Variants in HDAC9 observed in about 807,000 individuals in gnomAD.
HDAC9 encodes the protein MEF-2 interacting transcription repressor (MITR) protein.
In HDAC9, 41 loss-of-function variants were observed where a neutral mutation model predicts 139.4. The observed-to-expected ratio is 0.29, with a 90% CI of 0.23 to 0.38. The LOEUF (loss-of-function observed/expected upper bound fraction) is 0.38. Ranked by LOEUF, HDAC9 falls within the 10% of genes least tolerant of loss-of-function variation. HDAC9 has a pLI of 1.00. For missense variants in HDAC9, 1,147 were observed against 1,297.0 expected (o/e 0.88, Z 1.78); for synonymous variants, 517 against 476.2 (o/e 1.09, Z -1.12).
chr7:18,821,085 T>C (rs1030313277), intron 17 of HDAC9, among the ~76,000 whole-genome samples: 2 of 152,156 alleles, frequency 1.3e-5, no homozygotes, highest in African/African-American at 4.8e-5. Context: ...TGCAGCCACC[T>C]GAGGGGAGGG....
intron 21 of HDAC9, among the ~76,000 whole-genome samples, chr7:18,859,842 A>ATGTGTGTGTGTGTGTGTG (rs1562997054): frequency 2.3e-5 from 3 of 129,558 alleles, no homozygotes; most frequent in South Asian, 2.6e-4. Context: ...ATATATATAT[A>ATGTGTGTGTGTGTGTGTG]TATATATATA....
At chr7:18,705,199 A>T (rs1028644378) in intron 12 of HDAC9, among the ~76,000 whole-genome samples, 4 of 152,170 alleles carry the variant, frequency 2.6e-5, no homozygotes, top group Non-Finnish European at 5.9e-5. Context: ...CAGCCTAAGC[A>T]CTAATGACAC....
chr7:18,579,114 A>G (rs1034374292), intron 2 of HDAC9, among the ~76,000 whole-genome samples: 9 of 152,238 alleles, frequency 5.9e-5, no homozygotes, highest in African/African-American at 1.4e-4. Context: ...TAGAGATGAC[A>G]TGTTATCATC....
intron 1 of HDAC9, among the ~76,000 whole-genome samples, chr7:18,352,415 G>A (rs141191683): frequency 2.0e-5 from 3 of 152,202 alleles, no homozygotes; most frequent in Non-Finnish European, 4.4e-5. Context: ...GAGATAGAAG[G>A]ACTAAAATTG....
At chr7:18,151,731 A>G (rs1391472931) in intron 1 of HDAC9, 1 of 152,190 alleles carries the variant, frequency 6.6e-6, no homozygotes, top group Non-Finnish European at 1.5e-5. Context: ...TGGGAATGGA[A>G]TGTGCTACAT....
intron 1 of HDAC9, among the ~76,000 whole-genome samples, chr7:18,376,683 C>G (rs537024176): frequency 7.8e-4 from 118 of 152,190 alleles, no homozygotes; most frequent in African/African-American, 2.7e-3. Context: ...GATGCTGAAG[C>G]TAAGGTCCAG....
intron 17 of HDAC9, 51 bp downstream of exon 17, chr7:18,793,503 C>A: frequency 2.6e-6 from 3 of 1,162,454 alleles, no homozygotes; most frequent in Non-Finnish European, 3.8e-6. Context: ...GAAACTGAAA[C>A]AGAGATGTTG....
chr7:18,788,623 C>T (rs974595302), intron 16 of HDAC9, among the ~76,000 whole-genome samples: 4 of 151,756 alleles, frequency 2.6e-5, no homozygotes, highest in South Asian at 2.1e-4. Flanking sequence ...AGTGTGGTGG[C>T]GGATGCCTGA....
chr7:18,747,516 G>T (rs914376118), intron 13 of HDAC9, among the ~76,000 whole-genome samples: 14 of 152,272 alleles, frequency 9.2e-5, no homozygotes, highest in African/African-American at 3.1e-4. Flanking sequence ...GTAAACATGG[G>T]TAATATCGTG....
chr7:18,879,355 G>A (rs1416583887), intron 22 of HDAC9, among the ~76,000 whole-genome samples: 2 of 152,102 alleles, frequency 1.3e-5, no homozygotes, highest in East Asian at 1.9e-4. Context: ...AATAGCTAAG[G>A]CAATCCTAAG....
intron 2 of HDAC9, among the ~76,000 whole-genome samples, chr7:18,204,062 A>T (rs1332067996): frequency 6.6e-6 from 1 of 152,218 alleles, no homozygotes; most frequent in African/African-American, 2.4e-5. Context: ...CTAGTTAGAT[A>T]TCAATGGGCT....
chr7:18,312,959 C>G (rs1010289279), intron 1 of HDAC9, among the ~76,000 whole-genome samples: 1 of 152,044 alleles, frequency 6.6e-6, no homozygotes, highest in African/African-American at 2.4e-5. Flanking sequence ...CTACTTTATT[C>G]TCCATAGCCC....
intron 2 of HDAC9, among the ~76,000 whole-genome samples, chr7:18,232,293 A>G (rs765555678): frequency 1.6e-4 from 24 of 152,036 alleles, no homozygotes; most frequent in Non-Finnish European, 2.6e-4. Flanking sequence ...CCAGGGTTGC[A>G]GTGTAATTAA....
intron 1 of HDAC9, among the ~76,000 whole-genome samples, chr7:18,115,614 T>G (rs947591290): frequency 2.6e-5 from 4 of 152,238 alleles, no homozygotes; most frequent in African/African-American, 9.6e-5. Flanking sequence ...TTGAGGAATT[T>G]GATGTTCAAA....
chr7:18,324,408 G>T (rs1293721031), intron 1 of HDAC9, among the ~76,000 whole-genome samples: 1 of 152,140 alleles, frequency 6.6e-6, no homozygotes, highest in Non-Finnish European at 1.5e-5. Context: ...GATAATCATA[G>T]TACCAGTCTC....
chr7:18,698,256 G>A (rs776581977), intron 12 of HDAC9, among the ~76,000 whole-genome samples: 7 of 151,998 alleles, frequency 4.6e-5, no homozygotes, highest in African/African-American at 7.2e-5. Flanking sequence ...TCTAAAATTC[G>A]TCATTCTTAA....
chr7:18,573,788 T>C (rs767515671), intron 2 of HDAC9, among the ~76,000 whole-genome samples: 5 of 152,156 alleles, frequency 3.3e-5, no homozygotes, highest in Non-Finnish European at 5.9e-5. Context: ...GAGGGGAACA[T>C]GGTGGCACCC....
At chr7:18,662,175 AT>A (rs764337255) in intron 11 of HDAC9, among the ~76,000 whole-genome samples, 27 of 152,066 alleles carry the variant, frequency 1.8e-4, no homozygotes, top group Non-Finnish European at 3.2e-4. Context: ...CAAAAATGCT[AT>A]GATTTTTGTG....
chr7:18,347,515 A>T (rs982815609), intron 1 of HDAC9, among the ~76,000 whole-genome samples: 3 of 152,196 alleles, frequency 2.0e-5, no homozygotes, highest in Non-Finnish European at 4.4e-5. Context: ...TCCCATGTAA[A>T]TTGTGTTTAT....
Sources: allele counts gnomAD v4.1 joint callset (sites outside exome capture counted in the v4.1 genomes callset), GRCh38; gene constraint gnomAD v4.1.1; transcripts MANE v1.5; gene names NCBI Gene and HGNC (gene_info 2026-07-23, HGNC 2026-07-21).